ATP8B4: variants seen among roughly 807,000 people sequenced by gnomAD.
ATP8B4 encodes ATPase phospholipid transporting 8B4 (putative), also known as probable phospholipid-transporting ATPase IM.
ATP8B4 carries 133 observed loss-of-function variants against 145.6 expected under a neutral mutation model. That is an observed-to-expected ratio of 0.91 (90% CI 0.79 to 1.05). The LOEUF (loss-of-function observed/expected upper bound fraction) is 1.05. ATP8B4 is among the 50% of genes least tolerant of loss of function. ATP8B4 has a pLI of 0.00. For synonymous variants in ATP8B4, 507 were observed against 492.9 expected, an observed-to-expected ratio of 1.03 and a Z score of -0.38; for missense variants, 1,458 against 1,425.2, an observed-to-expected ratio of 1.02 and a Z score of -0.37.
chr15:50,156,576 G>A (rs542161659), intron 1 of ATP8B4, among the ~76,000 whole-genome samples: 27 of 152,154 alleles, frequency 1.8e-4, no homozygotes, highest in Admixed American at 3.3e-4. Context: ...CAGATTCAAG[G>A]TAGGCAAAAA....
chr15:50,140,997 A>G (rs2044199906), intron 1 of ATP8B4, among the ~76,000 whole-genome samples: 1 of 152,192 alleles, frequency 6.6e-6, no homozygotes, highest in African/African-American at 2.4e-5. Context: ...AGTACCTTCT[A>G]GAACTCCATC....
intron 6 of ATP8B4, among the ~76,000 whole-genome samples, chr15:50,018,551 C>G (rs2049281647): frequency 6.6e-6 from 1 of 152,124 alleles, no homozygotes; most frequent in African/African-American, 2.4e-5. Context: ...ATCTTCCCGT[C>G]AACAATGAAG....
chr15:50,024,862 C>T (rs2049884850), intron 6 of ATP8B4, among the ~76,000 whole-genome samples: 1 of 152,078 alleles, frequency 6.6e-6, no homozygotes, highest in Admixed American at 6.5e-5. Context: ...CAGCAGTGCC[C>T]AAGAGACTCC....
intron 2 of ATP8B4, among the ~76,000 whole-genome samples, chr15:50,077,115 G>C (rs2054229677): frequency 6.6e-6 from 1 of 152,270 alleles, no homozygotes; most frequent in East Asian, 1.9e-4. Flanking sequence ...GTCACCAAGG[G>C]GTTGATGATT....
intron 7 of ATP8B4, among the ~76,000 whole-genome samples, chr15:50,010,002 GT>G (rs2048607328): frequency 6.6e-6 from 1 of 152,206 alleles, no homozygotes; most frequent in Admixed American, 6.6e-5. Context: ...AAAGAAGACT[GT>G]TTCTGAAAGT....
chr15:50,129,945 T>G (rs1237882998), intron 1 of ATP8B4, among the ~76,000 whole-genome samples: 1 of 54,670 alleles, frequency 1.8e-5, no homozygotes, highest in Non-Finnish European at 3.0e-5. Context: ...AGACTCTGAC[T>G]CAAAAAAAAA....
chr15:49,900,789 C>A (rs563714015), intron 21 of ATP8B4, among the ~76,000 whole-genome samples: 1 of 152,218 alleles, frequency 6.6e-6, no homozygotes, highest in African/African-American at 2.4e-5. Flanking sequence ...CGTAACACTC[C>A]CCTCTAGAAA....
intron 23 of ATP8B4, among the ~76,000 whole-genome samples, chr15:49,884,246 C>T (rs1413117710): frequency 1.3e-5 from 2 of 152,114 alleles, no homozygotes; most frequent in Admixed American, 1.3e-4. Context: ...GCCTATGAAC[C>T]TTAGTGCCCA....
At chr15:50,014,315 CTCATACACTT>C (rs1484185347) in intron 6 of ATP8B4, among the ~76,000 whole-genome samples, 11 of 152,156 alleles carry the variant, frequency 7.2e-5, no homozygotes, top group Non-Finnish European at 1.3e-4. Flanking sequence ...TATTCCCTTG[CTCATACACTT>C]TTTTTGTTCA....
intron 1 of ATP8B4, among the ~76,000 whole-genome samples, chr15:50,176,161 TAC>T (rs1241570728): frequency 6.6e-6 from 1 of 151,924 alleles, no homozygotes; most frequent in African/African-American, 2.4e-5. Flanking sequence ...TGTGTATATA[TAC>T]ACACACAATG....
chr15:50,061,899 A>G (rs377432621), intron 3 of ATP8B4, among the ~76,000 whole-genome samples: 30 of 152,380 alleles, frequency 2.0e-4, no homozygotes, highest in African/African-American at 6.7e-4. Context: ...CTCTTCCTAG[A>G]AAATTATCTT....
chr15:49,895,515 G>C (rs1234388289), intron 23 of ATP8B4: 1 of 152,144 alleles, frequency 6.6e-6, no homozygotes, highest in Non-Finnish European at 1.5e-5. Flanking sequence ...AAAACAAAAG[G>C]GAAAGGAAGG....
Position 49,862,378 on chromosome 15 carries a change from A to G in ATP8B4, c.3167-3T>C, listed in dbSNP as rs1276578763. 1 of 1,612,752 alleles carries G rather than the reference A, an allele frequency of 6.2e-7. No homozygotes were observed. The highest frequency in any genetic ancestry group is 1.1e-5 in the South Asian group (1 of 90,976). On this transcript the variant is annotated splice_region_variant and splice_polypyrimidine_tract_variant and intron_variant, in intron 26 of 27. Transcript: ENST00000284509. ...GGTCAGGGAATGTCGTGCATTACCT[A>G]TCAATCATTAAAGAAAATATACACT... is the stretch of plus-strand genomic sequence containing the variant.
chr15:50,031,167 T>A (rs1599919376), intron 6 of ATP8B4, among the ~76,000 whole-genome samples: 1 of 152,334 alleles, frequency 6.6e-6, no homozygotes, highest in East Asian at 1.9e-4. Context: ...TGTAGCTTGC[T>A]TTTGAACTCA....
At chr15:50,053,297 T>G (rs2052335601) in intron 3 of ATP8B4, among the ~76,000 whole-genome samples, 1 of 152,204 alleles carries the variant, frequency 6.6e-6, no homozygotes, top group African/African-American at 2.4e-5. Flanking sequence ...AAGTGGTGAT[T>G]GTAAGAGCCA....
chr15:49,859,426 G>C lies in ATP8B4; in HGVS notation c.*768C>G, dbSNP rs1327834576. On this transcript the variant is annotated 3_prime_UTR_variant, in exon 28 of 28. Transcript: ENST00000284509. ...CAGCAAATTACTACTGAGGTTGTTA[G>C]AAAAGCCATTGAAAAGTATTTAGAA... 6.6e-6 allele frequency: 1 copy of C among 151,864 alleles called. No homozygotes were observed. Among genetic ancestry groups the C allele is most frequent in the Non-Finnish European group, 1.5e-5 (1 of 68,026 alleles). 9.4% of individuals were successfully genotyped at this position (151,864 alleles called of 1,614,324 possible). A position where few individuals can be genotyped will look rare whatever the true frequency, so the allele number is the denominator to read the frequency against.
intron 2 of ATP8B4, among the ~76,000 whole-genome samples, chr15:50,100,619 A>C (rs1431531041): frequency 6.6e-6 from 1 of 152,240 alleles, no homozygotes; most frequent in Admixed American, 6.5e-5. Context: ...ACAGAAACTG[A>C]TGTCATCTAA....
chr15:50,074,658 G>A (rs1022574792), intron 2 of ATP8B4, among the ~76,000 whole-genome samples: 4 of 152,170 alleles, frequency 2.6e-5, no homozygotes, highest in African/African-American at 9.7e-5. Flanking sequence ...TCTGTAAGCA[G>A]CCCAGGCATA....
At chr15:49,980,933 T>C (rs1232201691) in intron 11 of ATP8B4, among the ~76,000 whole-genome samples, 1 of 152,114 alleles carries the variant, frequency 6.6e-6, no homozygotes, top group Non-Finnish European at 1.5e-5. Flanking sequence ...CTATGTTTGG[T>C]TTTCCAAAAA....
Sources: allele counts gnomAD v4.1 joint callset (sites outside exome capture counted in the v4.1 genomes callset), GRCh38; gene constraint gnomAD v4.1.1; transcripts MANE v1.5; gene names NCBI Gene and HGNC (gene_info 2026-07-23, HGNC 2026-07-21).